REPS2: variants seen among roughly 807,000 people sequenced by gnomAD.
REPS2 encodes the protein RALBP1 associated Eps domain containing 2, also known as ralBP1-associated Eps domain-containing protein 2.
A neutral mutation model predicts 53.6 loss-of-function variants in REPS2; 23 were observed. That is an observed-to-expected ratio of 0.43 (90% CI 0.31 to 0.61). The LOEUF is 0.61. REPS2 is among the 20% of genes least tolerant of loss of function. The probability of loss-of-function intolerance (pLI) is 0.11; values close to 1 mark genes in which losing one functional copy is unlikely to be tolerated. For missense variants in REPS2, 446 were observed against 534.9 expected (o/e 0.83, Z 1.64); for synonymous variants, 238 against 218.6 (o/e 1.09, Z -0.78).
the REPS2 span, among the ~76,000 whole-genome samples, chrX:17,190,311 C>T: frequency 8.9e-6 from 1 of 112,127 alleles, no homozygotes; most frequent in Non-Finnish European, 1.9e-5. Flanking sequence ...GACAAATACA[C>T]AAAAATTTAC....
At chrX:17,165,049 C>CCACA in the REPS2 span, among the ~76,000 whole-genome samples, 3 of 107,347 alleles carry the variant, frequency 2.8e-5, no homozygotes, top group African/African-American at 7.0e-5. Flanking sequence ...ACCACCACCA[C>CCACA]CACACACACA....
At chrX:17,027,790 T>G (rs931956475) in intron 4 of REPS2, among the ~76,000 whole-genome samples, 1 of 109,622 alleles carries the variant, frequency 9.1e-6, no homozygotes, top group Non-Finnish European at 1.9e-5. Flanking sequence ...TGGGGTTTCA[T>G]TTGGGAAGAA....
chrX:16,965,846 G>A (rs1289009048), intron 1 of REPS2, among the ~76,000 whole-genome samples: 1 of 112,906 alleles, frequency 8.9e-6, no homozygotes, highest in African/African-American at 3.2e-5. Flanking sequence ...ACGAGACTCC[G>A]TCTGCAATCC....
intron 9 of REPS2, among the ~76,000 whole-genome samples, chrX:17,065,123 C>T (rs1021648425): frequency 2.7e-5 from 3 of 111,813 alleles, no homozygotes; most frequent in African/African-American, 9.7e-5. Context: ...TGTGTGTTTT[C>T]GGTTCTCTCG....
In REPS2 at chrX:17,014,728, C is replaced by CAAGAATTTTTGTTACGGTCTTA. The variant is rs2061467755; in HGVS notation, c.398-7394_398-7373dup. ...GAGAAGGGAGCCAGCAGTCAGGAGTCAAGAATTTTTGTTACGGTCTTAGCT... is the reference window on the plus strand; with the variant it reads ...GAGAAGGGAGCCAGCAGTCAGGAGTCAAGAATTTTTGTTACGGTCTTAAAGAATTTTTGTTACGGTCTTAGCT... On this transcript the variant is annotated intron_variant, in intron 2 of 17. Transcript: ENST00000357277. Among the ~76,000 whole-genome samples, 5 of 112,149 alleles carry CAAGAATTTTTGTTACGGTCTTA rather than the reference C, an allele frequency of 4.5e-5. No homozygotes were observed. The South Asian group carries it at 1.9e-3, about 42-fold the overall frequency.
At chrX:17,106,574 CG>C (rs2062877046) in intron 14 of REPS2, among the ~76,000 whole-genome samples, 1 of 109,223 alleles carries the variant, frequency 9.2e-6, no homozygotes, top group Admixed American at 9.8e-5. Context: ...CCACCACGCC[CG>C]GTTAATTTTC....
chrX:17,159,429 T>C, the REPS2 span, among the ~76,000 whole-genome samples: 2 of 111,601 alleles, frequency 1.8e-5, no homozygotes, highest in African/African-American at 6.5e-5. Context: ...TCTTGTTACC[T>C]CTTGTAACCC....
chrX:17,000,959 A>G (rs753021787), intron 1 of REPS2, among the ~76,000 whole-genome samples: 1 of 111,892 alleles, frequency 8.9e-6, no homozygotes, highest in Non-Finnish European at 1.9e-5. Flanking sequence ...AAAGACCATG[A>G]GCTTTGGACC....
chrX:17,040,093 A>G (rs1427533340), intron 5 of REPS2, among the ~76,000 whole-genome samples: 1 of 112,586 alleles, frequency 8.9e-6, no homozygotes, highest in Admixed American at 9.4e-5. Flanking sequence ...TTGTGGGTTT[A>G]TTTCCCTGAA....
intron 2 of REPS2, among the ~76,000 whole-genome samples, chrX:17,008,802 G>A (rs2061392166): frequency 9.0e-6 from 1 of 111,143 alleles, no homozygotes; most frequent in South Asian, 3.7e-4. Flanking sequence ...GTCACACCCA[G>A]GGCATCATAC....
intron 14 of REPS2, among the ~76,000 whole-genome samples, chrX:17,109,504 A>AG (rs1377173322): frequency 1.3e-4 from 14 of 111,228 alleles, no homozygotes; most frequent in African/African-American, 4.6e-4. Flanking sequence ...GGGAGGCATG[A>AG]GGTCAGCTTA....
chrX:17,040,381 G>T (rs755207340), intron 5 of REPS2, among the ~76,000 whole-genome samples: 1 of 112,197 alleles, frequency 8.9e-6, no homozygotes, highest in Non-Finnish European at 1.9e-5. Flanking sequence ...TCTAGACTGG[G>T]ATTGAGAATT....
intron 14 of REPS2, among the ~76,000 whole-genome samples, chrX:17,122,960 A>G (rs1323713529): frequency 1.8e-5 from 2 of 112,519 alleles, no homozygotes; most frequent in Non-Finnish European, 3.7e-5. Context: ...TAAGTGTGAT[A>G]AAATATCGGT....
chrX:17,150,591 T>G lies in REPS2; in HGVS notation c.*3110T>G, dbSNP rs2063560390. The G allele has an allele frequency of 1.8e-5, 2 of 112,953 alleles. No homozygotes were observed. The highest frequency in any genetic ancestry group is 3.2e-5 in the African/African-American group (1 of 31,117). The allele number at this position is 112,953 out of a possible 1,213,427, so 9.3% of individuals were successfully genotyped here. ...AAGGATCTAACTGCTTTACAAATAT[T>G]AAACAAGTGCTTGGGCATGATTGGG... On this transcript the variant is annotated 3_prime_UTR_variant, in exon 18 of 18. Coordinates refer to ENST00000357277, the MANE Select transcript of REPS2 (RefSeq NM_004726.3).
the REPS2 span, among the ~76,000 whole-genome samples, chrX:17,158,688 A>G: frequency 8.9e-6 from 1 of 112,168 alleles, no homozygotes; most frequent in Non-Finnish European, 1.9e-5. Flanking sequence ...TTTGCAATAC[A>G]TCTGTCAAGG....
intron 1 of REPS2, among the ~76,000 whole-genome samples, chrX:16,947,855 A>T (rs1256128332): frequency 9.0e-6 from 1 of 111,390 alleles, no homozygotes; most frequent in African/African-American, 3.3e-5. Context: ...ATAGAATTGA[A>T]AGGTAAGGGA....
intron 2 of REPS2, among the ~76,000 whole-genome samples, chrX:17,019,552 G>T (rs1326137947): frequency 2.7e-5 from 3 of 111,958 alleles, no homozygotes; most frequent in Non-Finnish European, 5.6e-5. Context: ...AGTTGAGTAT[G>T]GTGACTCATG....
At chrX:16,961,870 G>C (rs1053933609) in intron 1 of REPS2, among the ~76,000 whole-genome samples, 1 of 111,996 alleles carries the variant, frequency 8.9e-6, no homozygotes, top group Non-Finnish European at 1.9e-5. Flanking sequence ...CCATACAAAT[G>C]GCCAGCAGGT....
At chrX:16,971,965 T>A (rs1168969651) in intron 1 of REPS2, among the ~76,000 whole-genome samples, 1 of 112,096 alleles carries the variant, frequency 8.9e-6, no homozygotes, top group Non-Finnish European at 1.9e-5. Context: ...CTTATATGCA[T>A]CAAAACTTGC....
Sources: allele counts gnomAD v4.1 joint callset (sites outside exome capture counted in the v4.1 genomes callset), GRCh38; gene constraint gnomAD v4.1.1; transcripts MANE v1.5; gene names NCBI Gene and HGNC (gene_info 2026-07-23, HGNC 2026-07-21).